ADARB2: variants seen among roughly 807,000 people sequenced by gnomAD.
ADARB2 encodes the protein inactive double-stranded RNA-specific editase B2.
Under a neutral mutation model 62.2 loss-of-function variants are expected in ADARB2, and 25 were observed. The observed-to-expected ratio is 0.40, with a 90% CI of 0.29 to 0.56. ADARB2 has a LOEUF of 0.56. Ranked by LOEUF, ADARB2 falls within the 20% of genes least tolerant of loss-of-function variation. The pLI is 0.43. For missense variants in ADARB2, 1,071 were observed against 1,077.4 expected (o/e 0.99, Z 0.08); for synonymous variants, 572 against 500.8 (o/e 1.14, Z -1.90).
intron 3 of ADARB2, among the ~76,000 whole-genome samples, chr10:1,282,925 T>A (rs1329003274): frequency 6.6e-6 from 1 of 152,212 alleles, no homozygotes; most frequent in Non-Finnish European, 1.5e-5. Flanking sequence ...TTGTGTATTA[T>A]GACCAATCCG....
chr10:1,298,395 G>C (rs1473244634), intron 3 of ADARB2, among the ~76,000 whole-genome samples: 1 of 152,170 alleles, frequency 6.6e-6, no homozygotes, highest in Non-Finnish European at 1.5e-5. Context: ...GATCCCGGGG[G>C]CACATCCCAG....
intron 1 of ADARB2, among the ~76,000 whole-genome samples, chr10:1,602,695 T>TAG (rs1564343897): frequency 7.4e-6 from 1 of 134,766 alleles, no homozygotes; most frequent in Non-Finnish European, 1.7e-5. Context: ...CACCTGTACA[T>TAG]ACACACATCC....
chr10:1,692,702 G>A (rs1834688621), intron 1 of ADARB2, among the ~76,000 whole-genome samples: 1 of 152,014 alleles, frequency 6.6e-6, no homozygotes, highest in South Asian at 2.1e-4. Flanking sequence ...GGCTCCTGAA[G>A]GGCTACAAAC....
At chr10:1,318,529 G>A (rs1354175132) in intron 3 of ADARB2, among the ~76,000 whole-genome samples, 1 of 152,196 alleles carries the variant, frequency 6.6e-6, no homozygotes, top group Non-Finnish European at 1.5e-5. Flanking sequence ...CCATGCCTTT[G>A]TGGATTTCTC....
At chr10:1,528,067 C>T (rs1477832717) in intron 1 of ADARB2, among the ~76,000 whole-genome samples, 2 of 152,174 alleles carry the variant, frequency 1.3e-5, no homozygotes, top group Non-Finnish European at 2.9e-5. Flanking sequence ...TATGGACTCC[C>T]CTCTTGGAGG....
At chr10:1,585,467 T>A (rs1472642112) in intron 1 of ADARB2, among the ~76,000 whole-genome samples, 2 of 152,140 alleles carry the variant, frequency 1.3e-5, no homozygotes, top group African/African-American at 4.8e-5. Flanking sequence ...GAATTCAAAG[T>A]CATCCCCCTG....
intron 1 of ADARB2, among the ~76,000 whole-genome samples, chr10:1,625,913 G>T (rs1053900655): frequency 1.5e-5 from 1 of 67,898 alleles, no homozygotes; most frequent in Non-Finnish European, 2.8e-5. Context: ...CTGACCCTGC[G>T]CTCTCTCCTG....
chr10:1,509,275 C>T (rs1041517652), intron 1 of ADARB2, among the ~76,000 whole-genome samples: 1 of 152,122 alleles, frequency 6.6e-6, no homozygotes, highest in East Asian at 1.9e-4. Flanking sequence ...ACCTCACTGT[C>T]GGAGATGATA....
At chr10:1,425,870 C>G (rs907906044) in intron 1 of ADARB2, among the ~76,000 whole-genome samples, 1 of 152,166 alleles carries the variant, frequency 6.6e-6, no homozygotes, top group African/African-American at 2.4e-5. Flanking sequence ...TGACTCCTCA[C>G]GAAAGCCACA....
intron 3 of ADARB2, among the ~76,000 whole-genome samples, chr10:1,304,780 G>C (rs1220198301): frequency 6.8e-6 from 1 of 147,256 alleles, no homozygotes; most frequent in African/African-American, 2.5e-5. Context: ...ATGACTACTG[G>C]GTACATAACG....
At chr10:1,640,075 G>T (rs1033918645) in intron 1 of ADARB2, among the ~76,000 whole-genome samples, 1 of 152,184 alleles carries the variant, frequency 6.6e-6, no homozygotes, top group African/African-American at 2.4e-5. Flanking sequence ...CGATGAGGGA[G>T]CATGGCGGCT....
chr10:1,524,991 T>G (rs1193494085), intron 1 of ADARB2, among the ~76,000 whole-genome samples: 1 of 152,236 alleles, frequency 6.6e-6, no homozygotes, highest in Non-Finnish European at 1.5e-5. Context: ...CTTTCCATTT[T>G]CACAGCTAGC....
intron 1 of ADARB2, among the ~76,000 whole-genome samples, chr10:1,679,833 G>T (rs78663669): frequency 6.6e-6 from 1 of 152,132 alleles, no homozygotes; most frequent in African/African-American, 2.4e-5. Flanking sequence ...CTGCCTGGAC[G>T]ACTGGAAAAG....
At chr10:1,570,163 G>C (rs1261811928) in intron 1 of ADARB2, among the ~76,000 whole-genome samples, 1 of 152,130 alleles carries the variant, frequency 6.6e-6, no homozygotes, top group African/African-American at 2.4e-5. Flanking sequence ...ATCCACTTAT[G>C]ACATATCGAT....
intron 8 of ADARB2, chr10:1,188,327 G>A (rs1013916692): frequency 6.6e-6 from 1 of 152,224 alleles, no homozygotes; most frequent in Non-Finnish European, 1.5e-5. Context: ...GATCAAAAAT[G>A]TTTCTAGTTA....
At chr10:1,583,615 T>C (rs1833135417) in intron 1 of ADARB2, among the ~76,000 whole-genome samples, 1 of 152,208 alleles carries the variant, frequency 6.6e-6, no homozygotes, top group Non-Finnish European at 1.5e-5. Context: ...AATTCCATGT[T>C]CATGGATAGG....
chr10:1,200,847 C>G (rs1250067367), intron 7 of ADARB2, among the ~76,000 whole-genome samples: 1 of 152,152 alleles, frequency 6.6e-6, no homozygotes, highest in East Asian at 1.9e-4. Flanking sequence ...TGCTTAAAAT[C>G]CTACCTCCTT....
intron 1 of ADARB2, among the ~76,000 whole-genome samples, chr10:1,574,619 T>C (rs1833725097): frequency 6.6e-6 from 1 of 152,316 alleles, no homozygotes; most frequent in Non-Finnish European, 1.5e-5. Context: ...GCTGTCTCCC[T>C]GTGTCCTCAC....
At chr10:1,710,240 T>C (rs1466568738) in intron 1 of ADARB2, among the ~76,000 whole-genome samples, 3 of 152,200 alleles carry the variant, frequency 2.0e-5, no homozygotes, top group Non-Finnish European at 4.4e-5. Flanking sequence ...ATTTCTAACC[T>C]GGCTGTGGTT....
Sources: gnomAD v4.1 joint callset for allele counts (sites outside exome capture counted in the v4.1 genomes callset) on GRCh38, gnomAD v4.1.1 for gene constraint, MANE v1.5 for transcripts, NCBI Gene and HGNC (gene_info 2026-07-23, HGNC 2026-07-21) for gene names.